NUMA1: variants seen among roughly 807,000 people sequenced by gnomAD.
NUMA1 encodes the protein nuclear mitotic apparatus protein 1, also known as SP-H antigen.
In NUMA1, 62 loss-of-function variants were observed where a neutral mutation model predicts 237.1. The ratio of observed to expected loss-of-function variants is 0.26; its 90% CI spans 0.21 to 0.32. The LOEUF is 0.32. Among genes scored for constraint, NUMA1 ranks in the 10% least tolerant of loss-of-function variants. The probability of loss-of-function intolerance (pLI) is 1.00; values close to 1 mark genes in which losing one functional copy is unlikely to be tolerated. For synonymous variants in NUMA1, 1,028 were observed against 1,066.1 expected, an observed-to-expected ratio of 0.96 and a Z score of 0.70; for missense variants, 2,533 against 2,666.5, an observed-to-expected ratio of 0.95 and a Z score of 1.10.
At position 72,006,279 on chromosome 11, in the gene NUMA1, A is replaced by G; in HGVS notation, c.5464-16T>C. The G allele has an allele frequency of 6.2e-7, 1 of 1,610,696 alleles. No homozygotes were observed. The highest frequency in any genetic ancestry group is 1.3e-5 in the African/African-American group (1 of 74,984). On this transcript the variant is annotated splice_polypyrimidine_tract_variant and intron_variant, in intron 21 of 26. Coordinates refer to ENST00000393695, the MANE Select transcript of NUMA1 (RefSeq NM_006185.4). ...CATCTAGCTTCTGGAAGACAGAGTGAATCTGTTGCAGTGTACAGTCCCTGG... is the reference window on the plus strand; with the variant it reads ...CATCTAGCTTCTGGAAGACAGAGTGGATCTGTTGCAGTGTACAGTCCCTGG...
At chr11:72,037,859 T>G (rs1941221625) in intron 2 of NUMA1, among the ~76,000 whole-genome samples, 1 of 152,096 alleles carries the variant, frequency 6.6e-6, no homozygotes, top group African/African-American at 2.4e-5. Flanking sequence ...CTTGGATAAT[T>G]ATCATCAAGT....
At chr11:72,031,371 G>C (rs529051250) in intron 3 of NUMA1, among the ~76,000 whole-genome samples, 9 of 152,130 alleles carry the variant, frequency 5.9e-5, no homozygotes, top group Admixed American at 1.3e-4. Flanking sequence ...TAATGAAGTA[G>C]ACATAACATT....
chr11:72,028,469 A>T (rs1939867712), intron 4 of NUMA1, among the ~76,000 whole-genome samples: 1 of 151,398 alleles, frequency 6.6e-6, no homozygotes, highest in East Asian at 1.9e-4. Context: ...AAAAAAAAAA[A>T]AAAAAAAAAG....
At position 72,009,400 on chromosome 11, in the gene NUMA1, G is replaced by A. The variant is rs776373831; in HGVS notation, c.4720-13C>T. ...GAGCCTGGACAGCCTGAGAAGAAAG[G>A]CCACTCAGGAAAGCTGGTCTGGCCG... On this transcript the variant is annotated splice_polypyrimidine_tract_variant and intron_variant, in intron 17 of 26. Coordinates refer to ENST00000393695, the MANE Select transcript of NUMA1 (RefSeq NM_006185.4). The A allele has an allele frequency of 2.6e-5, 41 of 1,593,658 alleles. No individual in the cohort carries two copies. The highest frequency in any genetic ancestry group is 1.1e-4 in the African/African-American group (8 of 74,334).
chr11:72,026,878 CA>C (rs1939656867), intron 4 of NUMA1, among the ~76,000 whole-genome samples: 1 of 152,192 alleles, frequency 6.6e-6, no homozygotes, highest in African/African-American at 2.4e-5. Flanking sequence ...AGCTGGTCTG[CA>C]TTGTCCTGGA....
In NUMA1 at chr11:72,018,434, C is replaced by T; in HGVS notation, c.822G>A (p.Glu274=). ...CACGCAGCTCCTCAAGCTCCTTGGG[C>T]TCCAGTGGGCTGGCCGCCTGCTTCT... ...LNEKQAASPL[E]PKELEELRDK... The change falls in exon 11 of 27, where the codon GAG becomes GAA. Residue 274 remains glutamate, a synonymous_variant. Coordinates refer to ENST00000393695, the MANE Select transcript of NUMA1 (RefSeq NM_006185.4). The T allele has an allele frequency of 1.2e-6, 2 of 1,614,168 alleles. No individual in the cohort carries two copies. The highest frequency in any genetic ancestry group is 1.3e-5 in the African/African-American group (1 of 75,054).
chr11:72,023,945 T>C (rs1394895106), intron 5 of NUMA1: 3 of 278,380 alleles, frequency 1.1e-5, no homozygotes, highest in Non-Finnish European at 2.1e-5. Flanking sequence ...AAGAGACTCA[T>C]TCTCTCTTCT....
At position 72,013,807 on chromosome 11, in the gene NUMA1, C is replaced by G; in HGVS notation, c.3696G>C (p.Glu1232Asp). 6.2e-7 allele frequency: 1 copy of G among 1,610,912 alleles called. No homozygotes were observed. Among genetic ancestry groups the G allele is most frequent in the Non-Finnish European group, 8.5e-7 (1 of 1,180,014 alleles). The stretch of plus-strand genomic sequence containing the variant: ...CCTGGCGATTCAGGATGGACACCTC[C>G]TCCTCCAAGCTGCTGATGAGGCTAT... Reference protein sequence around the residue: ...RKNSLISSLEEEVSILNRQVL... With the variant: ...RKNSLISSLEDEVSILNRQVL... Residue 1232 changes from glutamate to aspartate, a missense_variant, in exon 15 of 27, where the codon GAG becomes GAC. Glu to Asp is a conservative substitution (Grantham distance 45). Around this residue, in one of 3 missense-constraint regions of NUMA1, gnomAD observed 324 missense variants for 407.6 expected, o/e 0.79. Transcript: ENST00000393695. This position sits in a 1 kb window ranked among gnomAD's most constrained non-coding sequence, Gnocchi z 6.8.
chr11:72,030,528 A>T (rs1940166081), intron 3 of NUMA1, among the ~76,000 whole-genome samples: 1 of 152,200 alleles, frequency 6.6e-6, no homozygotes, highest in Non-Finnish European at 1.5e-5. Context: ...CACACACATC[A>T]GGTACACAGG....
intron 2 of NUMA1, among the ~76,000 whole-genome samples, chr11:72,058,413 A>G (rs1303986301): frequency 6.6e-6 from 1 of 152,204 alleles, no homozygotes; most frequent in Non-Finnish European, 1.5e-5. Context: ...CCAAGCATCA[A>G]TAACTAAAAT....
chr11:72,007,936 C>T (rs1955858664), intron 20 of NUMA1: 1 of 372,030 alleles, frequency 2.7e-6, no homozygotes, highest in African/African-American at 2.1e-5. Flanking sequence ...CTAGACTCAT[C>T]ATGGCACTGA....
At chr11:72,010,711 C>T in intron 17 of NUMA1, 75 bp downstream of exon 17, 1 of 1,470,366 alleles carries the variant, frequency 6.8e-7, no homozygotes, top group Non-Finnish European at 9.3e-7. Flanking sequence ...CCCGACACCC[C>T]CCACGGCCCC....
At chr11:72,048,238 A>G (rs1433744705) in intron 2 of NUMA1, among the ~76,000 whole-genome samples, 1 of 152,118 alleles carries the variant, frequency 6.6e-6, no homozygotes, top group Non-Finnish European at 1.5e-5. Context: ...CTGGGATAAT[A>G]GGCATGAGCC....
chr11:72,014,365 A>G lies in NUMA1; in HGVS notation c.3138T>C (p.Ala1046=), dbSNP rs751622302. The change falls in exon 15 of 27, where the codon GCT becomes GCC. Residue 1046 remains alanine (A), a synonymous_variant. Coordinates refer to ENST00000393695, the MANE Select transcript of NUMA1 (RefSeq NM_006185.4). The surrounding 1 kb of genome is among the most constrained non-coding windows in gnomAD (Gnocchi z 4.6). Reference sequence around the variant, plus strand: ...CATGAGCCAGTGCCTCTTGCAGGGTAGCGAACTCCACACGCTGCTCGTTGA... The same window carrying G: ...CATGAGCCAGTGCCTCTTGCAGGGTGGCGAACTCCACACGCTGCTCGTTGA... The part of the protein sequence containing the change: ...NALNEQRVEF[A]TLQEALAHAL... 24 of 1,613,162 alleles carry G rather than the reference A, an allele frequency of 1.5e-5. No homozygotes were observed. The highest frequency in any genetic ancestry group is 2.0e-5 in the Non-Finnish European group (24 of 1,180,024).
rs1956450702 is a variant in NUMA1 at position 72,015,343 on chromosome 11, CTCT to C, written c.2157_2159del (p.Glu721del). ...GGGCATCTGCAGCCCTGCGCTTCTC[CTCT>C]TCAAGGCTGCCCTTGGTGACCTTCA... On this transcript the variant is annotated inframe_deletion, in exon 15 of 27. Transcript: ENST00000393695. This position sits in a 1 kb window ranked among gnomAD's most constrained non-coding sequence, Gnocchi z 4.0. 1 of 1,613,272 alleles carries C rather than the reference CTCT, an allele frequency of 6.2e-7. No individual in the cohort carries two copies. Among genetic ancestry groups the C allele is most frequent in the Admixed American group, 1.7e-5 (1 of 60,014 alleles).
intron 4 of NUMA1, 42 bp from the exon 5 acceptor site, chr11:72,024,395 CTT>C (rs1253457788): frequency 6.5e-7 from 1 of 1,549,426 alleles, no homozygotes; most frequent in East Asian, 2.2e-5. Context: ...ATTCAGCAAT[CTT>C]TGCCTCCTTG....
chr11:72,026,866 G>C (rs1365984814), intron 4 of NUMA1, among the ~76,000 whole-genome samples: 1 of 152,164 alleles, frequency 6.6e-6, no homozygotes, highest in Non-Finnish European at 1.5e-5. Context: ...TTCCCAAAAG[G>C]AAGCTGGTCT....
At chr11:72,071,861 T>C (rs1176894467) in intron 1 of NUMA1, among the ~76,000 whole-genome samples, 2 of 152,204 alleles carry the variant, frequency 1.3e-5, no homozygotes, top group Admixed American at 1.3e-4. Flanking sequence ...TCTATAGGTT[T>C]GAAAATTTTC....
intron 9 of NUMA1, among the ~76,000 whole-genome samples, chr11:72,019,244 A>G (rs1938381106): frequency 1.3e-5 from 2 of 152,120 alleles, no homozygotes; most frequent in Non-Finnish European, 2.9e-5. Flanking sequence ...AAGAGAAGAG[A>G]CTTCATTGTA....
Sources: allele counts gnomAD v4.1 joint callset (sites outside exome capture counted in the v4.1 genomes callset), GRCh38; gene constraint gnomAD v4.1.1; regional missense constraint gnomAD v4.1.1; non-coding constraint Gnocchi (gnomAD v3.1); transcripts MANE v1.5; gene names NCBI Gene and HGNC (gene_info 2026-07-23, HGNC 2026-07-21).